Variants in RFX4 observed in about 807,000 individuals in gnomAD.
The protein encoded by RFX4 is regulatory factor X4, also known as transcription factor RFX4.
In RFX4, 10 loss-of-function variants were observed where a neutral mutation model predicts 95.0. The ratio of observed to expected loss-of-function variants is 0.11; its 90% CI spans 0.06 to 0.18. The LOEUF is 0.18. Ranked by LOEUF, RFX4 falls within the 10% of genes least tolerant of loss-of-function variation. The probability of loss-of-function intolerance (pLI) is 1.00; values close to 1 mark genes in which losing one functional copy is unlikely to be tolerated. For synonymous variants in RFX4, 321 were observed against 340.7 expected, an observed-to-expected ratio of 0.94 and a Z score of 0.64; for missense variants, 640 against 922.0, an observed-to-expected ratio of 0.69 and a Z score of 3.96.
At chr12:106,709,462 G>C (rs745875816) in intron 9 of RFX4, 32 bp downstream of exon 9, 6 of 1,535,168 alleles carry the variant, frequency 3.9e-6, no homozygotes, top group African/African-American at 1.4e-5. Context: ...GGATGGAAGA[G>C]AGAATTACAT....
chr12:106,712,044 C>A (rs2137501788), intron 10 of RFX4, among the ~76,000 whole-genome samples: 1 of 152,300 alleles, frequency 6.6e-6, no homozygotes, highest in African/African-American at 2.4e-5. Context: ...TGGCATATAA[C>A]TACATTTCTA....
chr12:106,661,266 A>T (rs188510965), intron 4 of RFX4, among the ~76,000 whole-genome samples: 1 of 152,352 alleles, frequency 6.6e-6, no homozygotes, highest in African/African-American at 2.4e-5. Context: ...AAATCATAAA[A>T]TAGCTAACAC....
chr12:106,630,065 GTTTT>G (rs994979987), intron 2 of RFX4, among the ~76,000 whole-genome samples: 1 of 152,106 alleles, frequency 6.6e-6, no homozygotes, highest in Admixed American at 6.5e-5. Flanking sequence ...GAGCATTTGT[GTTTT>G]TTCCATGAAC....
chr12:106,696,358 G>A lies in RFX4; in HGVS notation c.745G>A (p.Val249Met). 1 of 1,614,162 alleles carries A rather than the reference G, an allele frequency of 6.2e-7. No homozygotes were observed. The highest frequency in any genetic ancestry group is 8.5e-7 in the Non-Finnish European group (1 of 1,180,018). The change falls in exon 8 of 18, where the codon GTG becomes ATG. Residue 249 changes from valine (V) to methionine (M), a missense_variant. Transcript: ENST00000392842. ...GCCTGTGCTGGGCTCCTCCACGGTG[G>A]TGAACATTGTCGGCGTGTGTGACTC... ...MLPVLGSSTVVNIVGVCDSIL... is the reference protein window; with the variant it reads ...MLPVLGSSTVMNIVGVCDSIL...
chr12:106,723,726 G>A (rs2042438048), intron 13 of RFX4, among the ~76,000 whole-genome samples: 1 of 152,162 alleles, frequency 6.6e-6, no homozygotes, highest in Non-Finnish European at 1.5e-5. Context: ...AGATGGCCTG[G>A]CCCAGCTCTC....
At chr12:106,587,400 G>C (rs577664024) in intron 1 of RFX4, among the ~76,000 whole-genome samples, 1 of 152,154 alleles carries the variant, frequency 6.6e-6, no homozygotes, top group Non-Finnish European at 1.5e-5. Flanking sequence ...TTCAGGGGGC[G>C]GGGGGACCGG....
intron 3 of RFX4, among the ~76,000 whole-genome samples, chr12:106,641,433 G>A (rs778065128): frequency 1.4e-4 from 21 of 152,148 alleles, no homozygotes; most frequent in Non-Finnish European, 2.8e-4. Context: ...CCTGGCATGG[G>A]GTGGGGCTCA....
intron 7 of RFX4, among the ~76,000 whole-genome samples, chr12:106,695,012 G>T (rs1486577700): frequency 6.6e-6 from 1 of 152,118 alleles, no homozygotes; most frequent in Non-Finnish European, 1.5e-5. Flanking sequence ...ACTCCAGCCT[G>T]GGTGACAGAG....
chr12:106,655,510 C>T (rs1039467384), intron 4 of RFX4, among the ~76,000 whole-genome samples: 1 of 152,108 alleles, frequency 6.6e-6, no homozygotes, highest in Non-Finnish European at 1.5e-5. Context: ...ATGGAGGTGC[C>T]CCTCAGCAGG....
intron 7 of RFX4, 136 bp from the exon 8 acceptor site, chr12:106,696,147 G>A: frequency 1.0e-6 from 1 of 992,642 alleles, no homozygotes; most frequent in Non-Finnish European, 1.5e-6. Flanking sequence ...AACATGGCAG[G>A]CTGGGGGTGA....
intron 6 of RFX4, 38 bp downstream of exon 6, chr12:106,687,135 TTC>T (rs760516565): frequency 4.8e-6 from 7 of 1,461,360 alleles, no homozygotes; most frequent in Non-Finnish European, 6.7e-6. Context: ...GGTGGGTGGT[TTC>T]TCTCTCTTTC....
chr12:106,687,454 C>A (rs537599336), intron 6 of RFX4, among the ~76,000 whole-genome samples: 1 of 149,830 alleles, frequency 6.7e-6, no homozygotes. Context: ...GAGGCTGAGG[C>A]GGGAGAATTG....
At chr12:106,623,259 G>A (rs574369387) in intron 2 of RFX4, among the ~76,000 whole-genome samples, 3 of 151,272 alleles carry the variant, frequency 2.0e-5, no homozygotes, top group African/African-American at 4.9e-5. Flanking sequence ...ATCTGACCTC[G>A]TGATCTGCCC....
chr12:106,753,802 G>A (rs1281066749), intron 17 of RFX4, among the ~76,000 whole-genome samples: 2 of 152,230 alleles, frequency 1.3e-5, no homozygotes, highest in African/African-American at 4.8e-5. Context: ...GGTGGCGTCA[G>A]CATGAACAAT....
intron 2 of RFX4, among the ~76,000 whole-genome samples, chr12:106,614,967 T>G (rs2040044710): frequency 6.6e-6 from 1 of 152,212 alleles, no homozygotes. Flanking sequence ...TCATAATAAC[T>G]TTTATGAACA....
chr12:106,753,154 T>C (rs1238596884), intron 17 of RFX4, among the ~76,000 whole-genome samples: 5 of 152,170 alleles, frequency 3.3e-5, no homozygotes, highest in African/African-American at 1.2e-4. Context: ...AATTCTTTAG[T>C]ATGTCTCTTA....
At chr12:106,756,364 A>G (rs2043108563) in intron 17 of RFX4, among the ~76,000 whole-genome samples, 1 of 152,186 alleles carries the variant, frequency 6.6e-6, no homozygotes. Context: ...GGGGACCTTG[A>G]GCTCAAAAGC....
In RFX4 at chr12:106,648,978, C is replaced by T. The variant is rs111285470; in HGVS notation, c.192-5250C>T. ...TAAAAATATATAACTCAGATAATGA[C>T]TCATGTTAGCTAGCAGACTGAGCTC... is the stretch of plus-strand genomic sequence containing the variant. On this transcript the variant is annotated intron_variant, in intron 3 of 17. Coordinates refer to ENST00000392842, the MANE Select transcript of RFX4 (RefSeq NM_213594.3). Among the ~76,000 whole-genome samples the T allele has an allele frequency of 2.7e-3, 414 of 152,120 alleles. 3 individuals are homozygous for T. The highest frequency in any genetic ancestry group is 9.4e-3 in the African/African-American group (392 of 41,498).
intron 1 of RFX4, among the ~76,000 whole-genome samples, chr12:106,602,662 G>A (rs1002932629): frequency 2.0e-5 from 3 of 152,174 alleles, no homozygotes; most frequent in Middle Eastern, 3.4e-3. Context: ...GGTAACCTTC[G>A]CCCTTGTGGT....
Sources: allele counts gnomAD v4.1 joint callset (sites outside exome capture counted in the v4.1 genomes callset), GRCh38; gene constraint gnomAD v4.1.1; transcripts MANE v1.5; gene names NCBI Gene and HGNC (gene_info 2026-07-23, HGNC 2026-07-21).